Variants in WDR64 observed in about 807,000 individuals in gnomAD.
WDR64 encodes the protein WD repeat-containing protein 64.
A neutral mutation model predicts 139.3 loss-of-function variants in WDR64; 112 were observed. The ratio of observed to expected loss-of-function variants is 0.80; its 90% CI spans 0.69 to 0.94. WDR64 has a LOEUF of 0.94. Ranked by LOEUF, WDR64 falls within the 40% of genes least tolerant of loss-of-function variation. WDR64 has a pLI of 0.00. For synonymous variants in WDR64, 444 were observed against 437.7 expected, an observed-to-expected ratio of 1.01 and a Z score of -0.18; for missense variants, 1,206 against 1,293.1, an observed-to-expected ratio of 0.93 and a Z score of 1.03.
At chr1:241,764,943 T>C (rs1658089425) in intron 15 of WDR64, among the ~76,000 whole-genome samples, 1 of 152,110 alleles carries the variant, frequency 6.6e-6, no homozygotes. Flanking sequence ...CCCAGAACTT[T>C]GGGAGGCTGA....
chr1:241,699,629 C>A (rs75623371), intron 8 of WDR64, among the ~76,000 whole-genome samples: 2,716 of 152,138 alleles, frequency 0.018, 92 homozygotes, highest in African/African-American at 0.061. Context: ...GTCACAAATG[C>A]CGAGTTTTGA....
chr1:241,655,349 A>G (rs1665544373), intron 1 of WDR64, among the ~76,000 whole-genome samples: 1 of 152,140 alleles, frequency 6.6e-6, no homozygotes, highest in Non-Finnish European at 1.5e-5. Flanking sequence ...AGATCGCACC[A>G]CTGCACTCCA....
chr1:241,747,894 T>C (rs1188103184), intron 13 of WDR64, among the ~76,000 whole-genome samples: 3 of 152,166 alleles, frequency 2.0e-5, no homozygotes, highest in African/African-American at 4.8e-5. Context: ...GGTGAGAATG[T>C]AGTCAAATTT....
chr1:241,742,690 GTTCCT>G (rs1264894542), intron 12 of WDR64, among the ~76,000 whole-genome samples: 1 of 152,210 alleles, frequency 6.6e-6, no homozygotes, highest in Non-Finnish European at 1.5e-5. Flanking sequence ...GCCATTCTTT[GTTCCT>G]TTCCTTTCTT....
intron 8 of WDR64, among the ~76,000 whole-genome samples, chr1:241,691,369 G>T (rs1435674486): frequency 6.6e-6 from 1 of 152,142 alleles, no homozygotes; most frequent in African/African-American, 2.4e-5. Flanking sequence ...AAGAGACAGA[G>T]ATTGTCAGAG....
rs1411498277 is a variant in WDR64, at chr1:241,796,385, A to T, written c.3192+15A>T. 6.5e-7 allele frequency: 1 copy of T among 1,537,206 alleles called. No individual in the cohort carries two copies. ...AACGTGAAAAAGTAAGTTAGTACTAATTCCACCGTTAACTCCAATTTCAGT... is the reference window on the plus strand; with the variant it reads ...AACGTGAAAAAGTAAGTTAGTACTATTTCCACCGTTAACTCCAATTTCAGT... On this transcript the variant is annotated intron_variant, in intron 27 of 27. Transcript: ENST00000437684.
intron 13 of WDR64, among the ~76,000 whole-genome samples, chr1:241,747,220 C>T (rs1317312782): frequency 6.6e-6 from 1 of 152,198 alleles, no homozygotes; most frequent in Non-Finnish European, 1.5e-5. Flanking sequence ...TGGAACATTT[C>T]TGTATATTGG....
intron 23 of WDR64, among the ~76,000 whole-genome samples, chr1:241,784,495 T>A (rs1658961053): frequency 6.6e-6 from 1 of 152,168 alleles, no homozygotes; most frequent in Non-Finnish European, 1.5e-5. Context: ...ACCTGGTTTA[T>A]GCAACTAGGT....
At chr1:241,655,994 T>C (rs1197721119) in intron 1 of WDR64, among the ~76,000 whole-genome samples, 1 of 152,204 alleles carries the variant, frequency 6.6e-6, no homozygotes, top group Non-Finnish European at 1.5e-5. Flanking sequence ...AAGGTACTCC[T>C]TCAATGTGTT....
chr1:241,704,316 C>T (rs1474626348), intron 8 of WDR64, among the ~76,000 whole-genome samples: 4 of 152,172 alleles, frequency 2.6e-5, no homozygotes, highest in Non-Finnish European at 5.9e-5. Flanking sequence ...TATGAAAAAA[C>T]GCTCTTCACT....
rs141828964 is a variant in WDR64 at position 241,760,208 on chromosome 1, G to A, written c.1947+2749G>A. On this transcript the variant is annotated intron_variant, in intron 15 of 27. Transcript: ENST00000437684. ...GTACATGTATTTCATTTTTCTTTTT[G>A]AAAATGCTATAGTATTTCATGTGAA... 2.5e-3 allele frequency among the ~76,000 whole-genome samples: 373 copies of A among 152,004 alleles called. 1 individual carries two copies. The highest frequency in any genetic ancestry group is 4.1e-3 in the Non-Finnish European group (276 of 67,952).
chr1:241,759,216 C>CT (rs1310587290), intron 15 of WDR64, among the ~76,000 whole-genome samples: 3 of 152,014 alleles, frequency 2.0e-5, no homozygotes, highest in Non-Finnish European at 4.4e-5. Context: ...CAAAATCTTC[C>CT]TTTTTTTGCA....
intron 8 of WDR64, among the ~76,000 whole-genome samples, chr1:241,701,425 C>CA (rs1667707434): frequency 6.6e-6 from 1 of 152,182 alleles, no homozygotes; most frequent in Non-Finnish European, 1.5e-5. Context: ...TTCCTACTCT[C>CA]CATCGTGTTC....
At chr1:241,739,102 C>T (rs950339707) in intron 11 of WDR64, among the ~76,000 whole-genome samples, 2 of 152,168 alleles carry the variant, frequency 1.3e-5, no homozygotes, top group Admixed American at 6.5e-5. Flanking sequence ...TGCCTCTCGA[C>T]GAAGACCAAT....
intron 15 of WDR64, among the ~76,000 whole-genome samples, chr1:241,762,306 T>C (rs1359198524): frequency 3.2e-5 from 3 of 93,258 alleles, no homozygotes; most frequent in Non-Finnish European, 6.4e-5. Flanking sequence ...GAAAGGAATC[T>C]TTTTTTTTTC....
At chr1:241,760,540 T>C (rs1670388458) in intron 15 of WDR64, among the ~76,000 whole-genome samples, 1 of 150,884 alleles carries the variant, frequency 6.6e-6, no homozygotes, top group Admixed American at 6.6e-5. Context: ...ATCCATAATA[T>C]ATCTTCCTAA....
chr1:241,800,961 T>C (rs1447647955), intron 27 of WDR64, among the ~76,000 whole-genome samples, 171 bp from the exon 28 acceptor site: 1 of 152,054 alleles, frequency 6.6e-6, no homozygotes, highest in Non-Finnish European at 1.5e-5. Flanking sequence ...CACCTCCTAA[T>C]TTAACATACT....
Position 241,788,065 on chromosome 1 carries a change from A to G in WDR64, c.2891+31A>G, listed in dbSNP as rs771303017. ...ACCATTAGCTCTTCTTTAGATAAGC[A>G]TACAAGAATCAAACTGTTGAGATGC... On this transcript the variant is annotated intron_variant, in intron 24 of 27. Transcript: ENST00000437684. 15 of 1,530,762 alleles carry G rather than the reference A, an allele frequency of 9.8e-6. No homozygotes were observed. In the African/African-American group the frequency reaches 1.5e-4, roughly 16 times the overall value. The allele number at this position is 1,530,762 out of a possible 1,614,324, so 94.8% of individuals were successfully genotyped here. A position where few individuals can be genotyped will look rare whatever the true frequency, so the allele number is the denominator to read the frequency against.
At chr1:241,667,927 C>T (rs564809560) in intron 2 of WDR64, among the ~76,000 whole-genome samples, 14 of 152,200 alleles carry the variant, frequency 9.2e-5, no homozygotes, top group Admixed American at 9.2e-4. Flanking sequence ...GGAAAAGTGT[C>T]AAAGTTCAAT....
Sources: allele counts gnomAD v4.1 joint callset (sites outside exome capture counted in the v4.1 genomes callset), GRCh38; gene constraint gnomAD v4.1.1; transcripts MANE v1.5; gene names NCBI Gene and HGNC (gene_info 2026-07-23, HGNC 2026-07-21).